Variants in CDC42BPA observed in about 807,000 individuals in gnomAD.
CDC42BPA encodes CDC42 binding protein kinase alpha, also known as serine/threonine-protein kinase MRCK alpha.
In CDC42BPA, 80 loss-of-function variants were observed where a neutral mutation model predicts 223.5. The ratio of observed to expected loss-of-function variants is 0.36; its 90% confidence interval spans 0.30 to 0.43. The LOEUF is 0.43. Ranked by LOEUF, CDC42BPA falls within the 20% of genes least tolerant of loss-of-function variation. The pLI is 1.00. For missense variants in CDC42BPA, 1,743 were observed against 2,099.9 expected, an observed-to-expected ratio of 0.83 and a Z score of 3.32; for synonymous variants, 694 against 718.6, an observed-to-expected ratio of 0.97 and a Z score of 0.55.
intron 1 of CDC42BPA, among the ~76,000 whole-genome samples, chr1:227,298,061 G>A (rs74791608): frequency 0.03 from 4,352 of 145,480 alleles, 185 homozygotes; most frequent in African/African-American, 0.1. Flanking sequence ...AGCAGACTGA[G>A]AAAAAGCAGT....
At chr1:227,039,125 GA>G (rs1314538642) in intron 24 of CDC42BPA, among the ~76,000 whole-genome samples, 4 of 152,070 alleles carry the variant, frequency 2.6e-5, no homozygotes, top group African/African-American at 9.7e-5. Context: ...TTACAGTCCT[GA>G]TTTGGTTCCT....
intron 2 of CDC42BPA, among the ~76,000 whole-genome samples, chr1:227,238,390 A>C (rs973758750): frequency 6.6e-6 from 1 of 152,098 alleles, no homozygotes; most frequent in East Asian, 1.9e-4. Context: ...ACCAGGTTTC[A>C]GCAAACCATG....
intron 3 of CDC42BPA, among the ~76,000 whole-genome samples, chr1:227,202,928 T>C (rs1480351461): frequency 1.3e-5 from 2 of 152,070 alleles, no homozygotes; most frequent in Non-Finnish European, 2.9e-5. Flanking sequence ...AGACTGTCTC[T>C]TCAAAAACAT....
intron 18 of CDC42BPA, 81 bp from the exon 19 acceptor site, chr1:227,074,093 T>G (rs965960200): frequency 4.7e-5 from 71 of 1,514,802 alleles, no homozygotes; most frequent in Admixed American, 8.3e-5. Flanking sequence ...GTGTGTTATG[T>G]TTTTCTAAAC....
At chr1:227,016,422 T>A (rs923525213) in intron 33 of CDC42BPA, among the ~76,000 whole-genome samples, 5 of 152,222 alleles carry the variant, frequency 3.3e-5, no homozygotes, top group African/African-American at 1.2e-4. Flanking sequence ...AGGATCTTTT[T>A]AAATACTTAA....
At chr1:227,209,958 T>C (rs1446713902) in intron 3 of CDC42BPA, among the ~76,000 whole-genome samples, 2 of 150,230 alleles carry the variant, frequency 1.3e-5, no homozygotes, top group Non-Finnish European at 3.0e-5. Context: ...GTACCTCTGG[T>C]AGAATTCGGC....
At chr1:227,131,652 T>C (rs1372060015) in intron 10 of CDC42BPA, among the ~76,000 whole-genome samples, 1 of 152,166 alleles carries the variant, frequency 6.6e-6, no homozygotes, top group African/African-American at 2.4e-5. Flanking sequence ...GAATCTGGTG[T>C]ATGAAGGGAG....
chr1:227,071,344 T>C (rs1678294883), intron 20 of CDC42BPA, among the ~76,000 whole-genome samples: 1 of 151,914 alleles, frequency 6.6e-6, no homozygotes, highest in African/African-American at 2.4e-5. Flanking sequence ...GTGATGGCCT[T>C]TGTCAGGAAA....
chr1:227,026,215 T>C (rs552682163), intron 30 of CDC42BPA, 63 bp from the exon 31 acceptor site: 6 of 860,206 alleles, frequency 7.0e-6, no homozygotes, highest in Admixed American at 2.1e-5. Context: ...CCAAATATTT[T>C]GAAAGGTCTA....
intron 1 of CDC42BPA, among the ~76,000 whole-genome samples, chr1:227,270,005 A>G (rs1685700487): frequency 6.6e-6 from 1 of 152,212 alleles, no homozygotes. Flanking sequence ...GTATGTTAGA[A>G]TGAAAAACTG....
At chr1:227,240,947 CCA>C (rs1286371759) in intron 2 of CDC42BPA, among the ~76,000 whole-genome samples, 9 of 152,004 alleles carry the variant, frequency 5.9e-5, no homozygotes, top group African/African-American at 1.4e-4. Flanking sequence ...AATGAACAAA[CCA>C]CACAGTCTGA....
chr1:227,111,097 A>G (rs1208869889), intron 14 of CDC42BPA, among the ~76,000 whole-genome samples: 1 of 152,236 alleles, frequency 6.6e-6, no homozygotes, highest in East Asian at 1.9e-4. Context: ...GAGCTAAGCT[A>G]CAGGTATTAA....
At chr1:227,183,791 T>C (rs1365571643) in intron 5 of CDC42BPA, among the ~76,000 whole-genome samples, 2 of 152,264 alleles carry the variant, frequency 1.3e-5, no homozygotes. Context: ...CCAAAGTAGC[T>C]GTGCCATTTT....
intron 5 of CDC42BPA, among the ~76,000 whole-genome samples, chr1:227,190,579 T>C (rs1669545971): frequency 6.6e-6 from 1 of 152,224 alleles, no homozygotes; most frequent in Non-Finnish European, 1.5e-5. Flanking sequence ...ATTTAACTTG[T>C]GGTATTTTAA....
chr1:227,023,247 A>C lies in CDC42BPA; in HGVS notation c.4615+16T>G. ...TTCCAATGAAGCTATCCCTATGAAT[A>C]TATGTATTTTCTTACCTGCCATCTT... On this transcript the variant is annotated intron_variant, in intron 32 of 36. Transcript: ENST00000366766. The C allele has an allele frequency of 3.6e-6, 4 of 1,126,410 alleles. No individual in the cohort carries two copies. The highest frequency in any genetic ancestry group is 5.3e-6 in the Non-Finnish European group (4 of 753,292). The allele number at this position is 1,126,410 out of a possible 1,614,324, so 69.8% of individuals were successfully genotyped here.
rs529951342 is a variant in CDC42BPA, at chr1:227,097,151, T to C, written c.2249+3841A>G. ...TATAATTTCTATCAGATTACAAGCATGCTGTTATTTTTTCCATCTTAAAAC... is the reference window on the plus strand; with the variant it reads ...TATAATTTCTATCAGATTACAAGCACGCTGTTATTTTTTCCATCTTAAAAC... On this transcript the variant is annotated intron_variant, in intron 15 of 36. Transcript: ENST00000366766. Among the ~76,000 whole-genome samples, 8 of 152,174 alleles carry C rather than the reference T, an allele frequency of 5.3e-5. No individual in the cohort carries two copies. The South Asian group carries it at 1.7e-3, about 32-fold the overall frequency.
intron 20 of CDC42BPA, among the ~76,000 whole-genome samples, chr1:227,070,433 A>C (rs1053356106): frequency 1.3e-5 from 2 of 151,980 alleles, no homozygotes; most frequent in Non-Finnish European, 3.0e-5. Context: ...TATGGCATTA[A>C]CTTTAAATGC....
intron 16 of CDC42BPA, among the ~76,000 whole-genome samples, chr1:227,081,831 A>G (rs1295398603): frequency 6.6e-6 from 1 of 152,196 alleles, no homozygotes; most frequent in East Asian, 1.9e-4. Flanking sequence ...TTATCCATAC[A>G]TATCACTGTA....
chr1:227,253,962 TTAACAAG>T lies in CDC42BPA; in HGVS notation c.270+95_270+101del, dbSNP rs560324121. The T allele has an allele frequency of 3.8e-4, 279 of 742,088 alleles. 2 individuals are homozygous for T. In the African/African-American group the frequency reaches 4.2e-3, roughly 11 times the overall value. 46.0% of individuals were successfully genotyped at this position (742,088 alleles called of 1,614,324 possible). A position where few individuals can be genotyped will look rare whatever the true frequency, so the allele number is the denominator to read the frequency against. On this transcript the variant is annotated intron_variant, in intron 2 of 36. Transcript: ENST00000366766. Reference sequence around the variant, plus strand: ...TCAATCACAACTTAACAAATATTGTTTAACAAGTAACAAGTAACAATACTTGTTAAAT... The same window carrying T: ...TCAATCACAACTTAACAAATATTGTTTAACAAGTAACAATACTTGTTAAAT...
Sources: allele counts gnomAD v4.1 joint callset (sites outside exome capture counted in the v4.1 genomes callset), GRCh38; gene constraint gnomAD v4.1.1; transcripts MANE v1.5; gene names NCBI Gene and HGNC (gene_info 2026-07-23, HGNC 2026-07-21).